Variants in CAMKMT observed in about 807,000 individuals in gnomAD.
CAMKMT encodes calmodulin-lysine N-methyltransferase.
In CAMKMT, 53 loss-of-function variants were observed where a neutral mutation model predicts 48.0. The ratio of observed to expected loss-of-function variants is 1.10; its 90% CI spans 0.89 to 1.39. The LOEUF is 1.39. Ranked by LOEUF, CAMKMT falls within the 40% of genes most tolerant of loss-of-function variation. CAMKMT has a pLI of 0.00. For missense variants in CAMKMT, 428 were observed against 402.7 expected (o/e 1.06, Z -0.54); for synonymous variants, 165 against 152.3 (o/e 1.08, Z -0.61).
chr2:44,426,366 G>A (rs1423570060), intron 3 of CAMKMT, among the ~76,000 whole-genome samples: 1 of 152,102 alleles, frequency 6.6e-6, no homozygotes, highest in Non-Finnish European at 1.5e-5. Context: ...AGAAAGAAAA[G>A]GCATATAGAT....
At chr2:44,752,551 C>T (rs994318356) in intron 8 of CAMKMT, among the ~76,000 whole-genome samples, 1 of 146,144 alleles carries the variant, frequency 6.8e-6, no homozygotes, top group Non-Finnish European at 1.5e-5. Flanking sequence ...AGAATCCTTT[C>T]CTTGGTTTTA....
At chr2:44,713,704 A>C (rs1678009025) in intron 6 of CAMKMT, among the ~76,000 whole-genome samples, 1 of 152,168 alleles carries the variant, frequency 6.6e-6, no homozygotes, top group African/African-American at 2.4e-5. Context: ...CTTCATTAGC[A>C]GACCTAATTG....
At chr2:44,605,221 A>G (rs1255363010) in intron 3 of CAMKMT, among the ~76,000 whole-genome samples, 1 of 152,168 alleles carries the variant, frequency 6.6e-6, no homozygotes, top group Non-Finnish European at 1.5e-5. Context: ...CAAGGTTGAG[A>G]AATTATTATT....
At chr2:44,495,876 T>A (rs1669729506) in intron 3 of CAMKMT, among the ~76,000 whole-genome samples, 1 of 152,212 alleles carries the variant, frequency 6.6e-6, no homozygotes, top group South Asian at 2.1e-4. Context: ...TTTGAGTAGA[T>A]CCAATTTCAT....
chr2:44,493,962 C>T (rs895031407), intron 3 of CAMKMT, among the ~76,000 whole-genome samples: 53 of 152,136 alleles, frequency 3.5e-4, no homozygotes, highest in Admixed American at 3.5e-3. Flanking sequence ...GGATTTTAAA[C>T]CACTTAGTAA....
intron 3 of CAMKMT, among the ~76,000 whole-genome samples, chr2:44,423,855 A>T (rs955719309): frequency 6.6e-6 from 1 of 152,186 alleles, no homozygotes; most frequent in Non-Finnish European, 1.5e-5. Context: ...AACTTTTCTA[A>T]GTAGTCTTCT....
intron 9 of CAMKMT, 77 bp from the exon 10 acceptor site, chr2:44,766,336 TTGAGAGCAGTACATTAA>T: frequency 7.2e-7 from 1 of 1,389,620 alleles, no homozygotes; most frequent in Non-Finnish European, 1.0e-6. Context: ...GTTTTTCTAC[TTGAGAGCAGTACATTAA>T]ATGCTTTGAC....
chr2:44,375,579 T>A (rs867458750), intron 2 of CAMKMT, among the ~76,000 whole-genome samples: 1 of 152,220 alleles, frequency 6.6e-6, no homozygotes, highest in South Asian at 2.1e-4. Context: ...GTTTTGGAAA[T>A]GATTTTTAAA....
chr2:44,412,528 CT>C (rs1683280196), intron 3 of CAMKMT, among the ~76,000 whole-genome samples: 2 of 151,832 alleles, frequency 1.3e-5, no homozygotes, highest in African/African-American at 2.4e-5. Flanking sequence ...GTAGAGACAG[CT>C]TTTGCCATAT....
intron 7 of CAMKMT, among the ~76,000 whole-genome samples, chr2:44,728,122 A>G (rs1410009950): frequency 6.6e-6 from 1 of 151,946 alleles, no homozygotes; most frequent in African/African-American, 2.4e-5. Flanking sequence ...GACAGGGTCT[A>G]ATTTTGCTGC....
chr2:44,476,777 G>A (rs1461090327), intron 3 of CAMKMT, among the ~76,000 whole-genome samples: 4 of 152,028 alleles, frequency 2.6e-5, no homozygotes, highest in African/African-American at 4.8e-5. Flanking sequence ...CACAGACCTC[G>A]TGGTCTTAGG....
At chr2:44,771,969 T>A in intron 10 of CAMKMT, 67 bp from the exon 11 acceptor site, 2 of 1,063,308 alleles carry the variant, frequency 1.9e-6, no homozygotes, top group Non-Finnish European at 2.9e-6. Flanking sequence ...TACTCAACAT[T>A]AATATTGACT....
intron 3 of CAMKMT, among the ~76,000 whole-genome samples, chr2:44,561,112 T>C (rs1033562090): frequency 5.3e-5 from 8 of 152,194 alleles, no homozygotes; most frequent in Admixed American, 2.0e-4. Flanking sequence ...AACCTTCTTA[T>C]AATCTTTATC....
At chr2:44,486,975 C>T (rs1355971150) in intron 3 of CAMKMT, among the ~76,000 whole-genome samples, 1 of 152,166 alleles carries the variant, frequency 6.6e-6, no homozygotes, top group Non-Finnish European at 1.5e-5. Context: ...ATGTGTTTCA[C>T]TATTTTATAG....
At chr2:44,490,060 A>G (rs975753462) in intron 3 of CAMKMT, among the ~76,000 whole-genome samples, 6 of 152,166 alleles carry the variant, frequency 3.9e-5, no homozygotes, top group African/African-American at 1.2e-4. Context: ...GGATCTGCAT[A>G]CCAGATGCAA....
At chr2:44,771,894 T>A in intron 10 of CAMKMT, 142 bp from the exon 11 acceptor site, 4 of 517,534 alleles carry the variant, frequency 7.7e-6, no homozygotes, top group Non-Finnish European at 1.0e-5. Flanking sequence ...TGAGAACTAC[T>A]TTGAGTTGCT....
At chr2:44,559,010 C>T (rs150248714) in intron 3 of CAMKMT, among the ~76,000 whole-genome samples, 505 of 150,530 alleles carry the variant, frequency 3.4e-3, no homozygotes, top group African/African-American at 0.012. Flanking sequence ...GATAGATAAA[C>T]AGACAGACAT....
chr2:44,685,913 A>G (rs1303056322), intron 3 of CAMKMT, among the ~76,000 whole-genome samples: 3 of 152,006 alleles, frequency 2.0e-5, no homozygotes, highest in African/African-American at 4.8e-5. Flanking sequence ...TCTGAGGTAT[A>G]TATATTTTGT....
chr2:44,591,234 T>C lies in CAMKMT; in HGVS notation c.377-113049T>C, dbSNP rs1355903315. On this transcript the variant is annotated intron_variant, in intron 3 of 10. Coordinates refer to ENST00000378494, the MANE Select transcript of CAMKMT (RefSeq NM_024766.5). ...TTGGCTTAGGATTGACTTGGCAATGTGGGCTCTTTTTTGGTTCCATATGAA... is the reference window on the plus strand; with the variant it reads ...TTGGCTTAGGATTGACTTGGCAATGCGGGCTCTTTTTTGGTTCCATATGAA... 4.0e-5 allele frequency among the ~76,000 whole-genome samples: 6 copies of C among 151,214 alleles called. No individual in the cohort carries two copies. The East Asian group carries it at 7.8e-4, about 20-fold the overall frequency.
Sources: gnomAD v4.1 joint callset for allele counts (sites outside exome capture counted in the v4.1 genomes callset) on GRCh38, gnomAD v4.1.1 for gene constraint, MANE v1.5 for transcripts, NCBI Gene and HGNC (gene_info 2026-07-23, HGNC 2026-07-21) for gene names.